Variants in SLC8A1 observed in about 807,000 individuals in gnomAD.
SLC8A1 encodes the protein sodium/calcium exchanger 1.
A neutral mutation model predicts 68.3 loss-of-function variants in SLC8A1; 18 were observed. That is an observed-to-expected ratio of 0.26 (90% confidence interval 0.18 to 0.39). The LOEUF (loss-of-function observed/expected upper bound fraction) is 0.39, where lower values mean the gene tolerates loss of function less well. Ranked by LOEUF, SLC8A1 falls within the 10% of genes least tolerant of loss-of-function variation. The pLI, the probability that SLC8A1 is intolerant of heterozygous loss-of-function variation, is 1.00. For synonymous variants in SLC8A1, 475 were observed against 415.5 expected (o/e 1.14, Z -1.74); for missense variants, 985 against 1,156.7 (o/e 0.85, Z 2.15).
At chr2:40,106,089 T>G (rs1042079164) in exon 8 of SLC8A1, 1 of 152,210 alleles carries the variant, frequency 6.6e-6, no homozygotes, top group African/African-American at 2.4e-5. Flanking sequence ...TTTAAGAGCA[T>G]CTCCCTTTGC....
chr2:40,368,855 A>C (rs944987367), intron 2 of SLC8A1, among the ~76,000 whole-genome samples: 18 of 152,186 alleles, frequency 1.2e-4, no homozygotes, highest in African/African-American at 4.3e-4. Context: ...AGACCAATAA[A>C]ACAGAATAGA....
intron 6 of SLC8A1, among the ~76,000 whole-genome samples, chr2:40,140,417 C>G (rs959445223): frequency 6.6e-6 from 1 of 152,186 alleles, no homozygotes; most frequent in Non-Finnish European, 1.5e-5. Flanking sequence ...GACCTCCCCC[C>G]AAACCCATGC....
chr2:40,244,424 C>T (rs1012134405), intron 2 of SLC8A1, among the ~76,000 whole-genome samples: 2 of 152,004 alleles, frequency 1.3e-5, no homozygotes, highest in African/African-American at 2.4e-5. Flanking sequence ...GGGAGTTGTC[C>T]GATGACTTTT....
chr2:40,258,685 T>C (rs1419588772), intron 2 of SLC8A1, among the ~76,000 whole-genome samples: 1 of 151,818 alleles, frequency 6.6e-6, no homozygotes, highest in African/African-American at 2.4e-5. Context: ...CTACTAAAAA[T>C]ACAAAAATTA....
chr2:40,170,336 G>A (rs1558607288), intron 4 of SLC8A1: 2 of 1,614,060 alleles, frequency 1.2e-6, no homozygotes, highest in East Asian at 2.2e-5. Context: ...GAACCTTCCT[G>A]AAGACAGGTT....
At position 40,380,835 on chromosome 2, in the gene SLC8A1, C is replaced by A. The variant is rs546679913; in HGVS notation, c.1808+47638G>T. ...GGCCTCCCTACTAAAATGAGGGTTA[C>A]CAGGTGTCCTACTTCTTCAGGGAAT... On this transcript the variant is annotated intron_variant, in intron 2 of 7. Transcript: ENST00000406785. 6.6e-5 allele frequency among the ~76,000 whole-genome samples: 10 copies of A among 152,172 alleles called. No individual in the cohort carries two copies. The East Asian group carries it at 1.9e-3, about 30-fold the overall frequency.
intron 2 of SLC8A1, among the ~76,000 whole-genome samples, chr2:40,191,685 G>C (rs566105238): frequency 4.9e-4 from 74 of 152,246 alleles, no homozygotes; most frequent in African/African-American, 1.7e-3. Flanking sequence ...CAATTCCTGG[G>C]TTAATTACAG....
At chr2:40,452,126 C>G (rs1702630600), upstream of SLC8A1, 9 of 135,406 alleles carry the variant, frequency 6.6e-5, no homozygotes, top group Admixed American at 6.6e-4. Context: ...GAGGCAGGCG[C>G]GGAGGCCGGG....
At chr2:40,107,290 A>AAAAAAAAAAAAAAAAAAAAAAAAAAAAC (rs2034271748) in exon 8 of SLC8A1, 1 of 149,358 alleles carries the variant, frequency 6.7e-6, no homozygotes, top group African/African-American at 2.5e-5. Context: ...AAAAAAAAAA[A>AAAAAAAAAAAAAAAAAAAAAAAAAAAAC]AAAAAAAAAG....
chr2:40,509,791 A>G (rs1706597028), intron 1 of SLC8A1, among the ~76,000 whole-genome samples: 1 of 150,260 alleles, frequency 6.7e-6, no homozygotes, highest in Non-Finnish European at 1.5e-5. Context: ...TCAGCTAACT[A>G]TAACAAGATC....
At chr2:40,167,886 T>C (rs2046813071) in intron 4 of SLC8A1, among the ~76,000 whole-genome samples, 1 of 152,200 alleles carries the variant, frequency 6.6e-6, no homozygotes, top group Non-Finnish European at 1.5e-5. Context: ...ATCCAGCACA[T>C]AAACTCACTG....
At chr2:40,322,239 A>T (rs1391748063) in intron 2 of SLC8A1, among the ~76,000 whole-genome samples, 1 of 152,188 alleles carries the variant, frequency 6.6e-6, no homozygotes, top group Non-Finnish European at 1.5e-5. Flanking sequence ...AACTTCTTGA[A>T]TCAGAAAACT....
At chr2:40,499,673 G>A (rs1400802352) in intron 1 of SLC8A1, among the ~76,000 whole-genome samples, 1 of 152,042 alleles carries the variant, frequency 6.6e-6, no homozygotes, top group Non-Finnish European at 1.5e-5. Flanking sequence ...GTTCATCCCA[G>A]GACCTAGGAC....
At chr2:40,352,681 G>A (rs888165041) in intron 2 of SLC8A1, among the ~76,000 whole-genome samples, 8 of 152,264 alleles carry the variant, frequency 5.3e-5, no homozygotes, top group African/African-American at 1.7e-4. Context: ...TCCAAGAGTC[G>A]GCCTACTCAG....
intron 2 of SLC8A1, among the ~76,000 whole-genome samples, chr2:40,253,299 CAT>C (rs1001267440): frequency 2.1e-5 from 3 of 143,610 alleles, no homozygotes; most frequent in African/African-American, 5.7e-5. Flanking sequence ...TGTATATACA[CAT>C]ATATACACAT....
At chr2:40,511,850 A>G (rs1249158855) in intron 1 of SLC8A1, among the ~76,000 whole-genome samples, 1 of 152,160 alleles carries the variant, frequency 6.6e-6, no homozygotes, top group East Asian at 1.9e-4. Context: ...GAAATATTGC[A>G]AAAATGACTT....
chr2:40,303,169 C>T (rs1181809236), intron 2 of SLC8A1, among the ~76,000 whole-genome samples: 1 of 152,188 alleles, frequency 6.6e-6, no homozygotes, highest in Non-Finnish European at 1.5e-5. Flanking sequence ...TGACCATACG[C>T]TGCTATGTTC....
chr2:40,511,106 T>C (rs1706696943), intron 1 of SLC8A1, among the ~76,000 whole-genome samples: 1 of 152,202 alleles, frequency 6.6e-6, no homozygotes, highest in Non-Finnish European at 1.5e-5. Context: ...GTCATGTCTG[T>C]CATCAGAGAA....
intron 1 of SLC8A1, among the ~76,000 whole-genome samples, chr2:40,510,744 T>TAAGTA (rs70957186): frequency 0.088 from 13,360 of 152,150 alleles, 1,070 homozygotes; most frequent in East Asian, 0.42. Flanking sequence ...TTAGTATTTT[T>TAAGTA]AAGTAAAATA....
Sources: gnomAD v4.1 joint callset for allele counts (sites outside exome capture counted in the v4.1 genomes callset) on GRCh38, gnomAD v4.1.1 for gene constraint, MANE v1.5 for transcripts, NCBI Gene and HGNC (gene_info 2026-07-23, HGNC 2026-07-21) for gene names.